Variants in PCYT1B observed in about 807,000 individuals in gnomAD.
PCYT1B encodes phosphate cytidylyltransferase 1B, choline, also known as choline-phosphate cytidylyltransferase B.
In PCYT1B, 10 loss-of-function variants were observed where a neutral mutation model predicts 26.4. The ratio of observed to expected loss-of-function variants is 0.38; its 90% CI spans 0.23 to 0.64. The LOEUF (loss-of-function observed/expected upper bound fraction) is 0.64. PCYT1B is among the 30% of genes least tolerant of loss of function. PCYT1B has a pLI of 0.56. For synonymous variants in PCYT1B, 131 were observed against 108.4 expected, an observed-to-expected ratio of 1.21 and a Z score of -1.29; for missense variants, 161 against 292.7, an observed-to-expected ratio of 0.55 and a Z score of 3.28.
chrX:24,558,619 T>C lies in PCYT1B; in HGVS notation c.*3674A>G, dbSNP rs1719875250. The C allele has an allele frequency of 1.9e-5, 2 of 103,772 alleles. No individual in the cohort carries two copies. The highest frequency in any genetic ancestry group is 7.1e-5 in the African/African-American group (2 of 28,214). 8.6% of individuals were successfully genotyped at this position (103,772 alleles called of 1,213,427 possible). A position where few individuals can be genotyped will look rare whatever the true frequency, so the allele number is the denominator to read the frequency against. The stretch of plus-strand genomic sequence containing the variant: ...CTCTTCCTGTCCCTCCCTCAGGGGG[T>C]GAAATAACAGTATCTAGTAGCCTAA... On this transcript the variant is annotated 3_prime_UTR_variant, in exon 8 of 8. Transcript: ENST00000379144.
intron 7 of PCYT1B, among the ~76,000 whole-genome samples, chrX:24,563,555 T>C (rs1923510348): frequency 9.0e-6 from 1 of 111,274 alleles, no homozygotes; most frequent in Admixed American, 9.5e-5. Context: ...GGCTGTGCCA[T>C]GGAGGGCCTT....
At chrX:24,663,854 G>C (rs1927075291) in intron 1 of PCYT1B, among the ~76,000 whole-genome samples, 1 of 111,288 alleles carries the variant, frequency 9.0e-6, no homozygotes, top group Non-Finnish European at 1.9e-5. Flanking sequence ...GGGAGGTGGA[G>C]GTTGCAGTGA....
intron 1 of PCYT1B, chrX:24,658,095 G>C (rs891697358): frequency 1.4e-4 from 16 of 111,814 alleles, no homozygotes; most frequent in African/African-American, 5.2e-4. Flanking sequence ...GTGCCGGGGG[G>C]CCTTCTGCAT....
intron 6 of PCYT1B, among the ~76,000 whole-genome samples, chrX:24,577,229 AC>A (rs1191897437): frequency 9.0e-6 from 1 of 111,372 alleles, no homozygotes; most frequent in Non-Finnish European, 1.9e-5. Context: ...TGATTTGTCT[AC>A]ACGCCCATGC....
chrX:24,647,650 T>C (rs149573097), upstream of PCYT1B, among the ~76,000 whole-genome samples: 13 of 112,213 alleles, frequency 1.2e-4, 1 homozygote, highest in African/African-American at 4.2e-4. Context: ...GTCCCTGGGA[T>C]GAGCTAGTGC....
At chrX:24,593,321 T>C (rs988871038) in intron 3 of PCYT1B, among the ~76,000 whole-genome samples, 6 of 110,075 alleles carry the variant, frequency 5.5e-5, no homozygotes, top group African/African-American at 2.0e-4. Flanking sequence ...ACAGGTTCCT[T>C]CTTTTTCTTT....
intron 3 of PCYT1B, among the ~76,000 whole-genome samples, chrX:24,602,995 G>A (rs1015728390): frequency 3.2e-4 from 36 of 110,920 alleles, no homozygotes; most frequent in African/African-American, 1.1e-3. Context: ...GTAGAGATGG[G>A]GTTTCACCAT....
At chrX:24,594,391 C>A (rs968784772) in intron 3 of PCYT1B, among the ~76,000 whole-genome samples, 3 of 111,348 alleles carry the variant, frequency 2.7e-5, no homozygotes, top group African/African-American at 9.8e-5. Context: ...TCTTTTAGGA[C>A]CTTATTAAAA....
intron 7 of PCYT1B, among the ~76,000 whole-genome samples, chrX:24,564,920 C>G (rs1007794351): frequency 1.8e-5 from 2 of 110,441 alleles, no homozygotes; most frequent in South Asian, 7.9e-4. Context: ...GTGGGAGGAA[C>G]GGGAATCAAG....
chrX:24,625,816 T>C (rs899720200), intron 1 of PCYT1B, among the ~76,000 whole-genome samples: 1 of 104,656 alleles, frequency 9.6e-6, no homozygotes, highest in Non-Finnish European at 2.0e-5. Flanking sequence ...GAGGTAATTG[T>C]GTAGAAATAG....
intron 5 of PCYT1B, 44 bp from the exon 6 acceptor site, chrX:24,579,502 C>T (rs781156120): frequency 1.7e-6 from 2 of 1,146,457 alleles, no homozygotes; most frequent in East Asian, 3.0e-5. Flanking sequence ...ATTAAGATCA[C>T]CTCAGTTGAC....
intron 1 of PCYT1B, among the ~76,000 whole-genome samples, chrX:24,654,187 C>A (rs1602210483): frequency 1.1e-5 from 1 of 92,658 alleles, no homozygotes; most frequent in Non-Finnish European, 2.1e-5. Context: ...TCACTGCAAC[C>A]TCTGCCTCCC....
At chrX:24,654,296 G>A (rs1195278445) in intron 1 of PCYT1B, among the ~76,000 whole-genome samples, 5 of 102,658 alleles carry the variant, frequency 4.9e-5, no homozygotes, top group Admixed American at 1.0e-4. Context: ...TAGGAGATAC[G>A]GGGGGTTTCA....
chrX:24,605,926 C>T (rs751986354), intron 3 of PCYT1B, among the ~76,000 whole-genome samples: 41 of 108,587 alleles, frequency 3.8e-4, no homozygotes, highest in Non-Finnish European at 6.7e-4. Context: ...TGGTGGCACG[C>T]GCCTATAATC....
chrX:24,602,573 T>A, intron 3 of PCYT1B, among the ~76,000 whole-genome samples: 1 of 111,386 alleles, frequency 9.0e-6, no homozygotes, highest in African/African-American at 3.3e-5. Flanking sequence ...AACAAATGCA[T>A]CAGGCTGGGG....
chrX:24,639,837 A>C (rs949568411), intron 1 of PCYT1B, among the ~76,000 whole-genome samples: 13 of 110,513 alleles, frequency 1.2e-4, no homozygotes, highest in African/African-American at 4.3e-4. Flanking sequence ...CCACTTGTGC[A>C]CTGGAGCCCA....
upstream of PCYT1B, among the ~76,000 whole-genome samples, chrX:24,651,724 A>C (rs1029182777): frequency 1.9e-5 from 2 of 105,952 alleles, no homozygotes; most frequent in Non-Finnish European, 3.9e-5. Flanking sequence ...CATGTTGCCC[A>C]GGCTGGTCTT....
At chrX:24,656,551 CTTTTT>C (rs1179469896) in intron 1 of PCYT1B, among the ~76,000 whole-genome samples, 1 of 56,637 alleles carries the variant, frequency 1.8e-5, no homozygotes, top group Non-Finnish European at 3.0e-5. Flanking sequence ...TCTTTTTTTC[CTTTTT>C]TTTTTTTTTT....
chrX:24,576,983 T>C (rs1204777577), intron 6 of PCYT1B, among the ~76,000 whole-genome samples: 1 of 112,067 alleles, frequency 8.9e-6, no homozygotes. Flanking sequence ...TTTTCCACAG[T>C]TCATTCTGCA....
Sources: gnomAD v4.1 joint callset for allele counts (sites outside exome capture counted in the v4.1 genomes callset) on GRCh38, gnomAD v4.1.1 for gene constraint, MANE v1.5 for transcripts, NCBI Gene and HGNC (gene_info 2026-07-23, HGNC 2026-07-21) for gene names.